The following SUCLG2 variants were observed in gnomAD, a reference collection of about 807,000 sequenced individuals.
SUCLG2 encodes succinate--CoA ligase [GDP-forming] subunit beta, mitochondrial.
Under a neutral mutation model 47.9 loss-of-function variants are expected in SUCLG2, and 42 were observed. That is an observed-to-expected ratio of 0.88 (90% CI 0.69 to 1.14). The LOEUF (loss-of-function observed/expected upper bound fraction) is 1.14. Among genes scored for constraint, SUCLG2 ranks in the 50% most tolerant of loss-of-function variants. SUCLG2 has a pLI of 0.00. For synonymous variants in SUCLG2, 195 were observed against 197.3 expected (o/e 0.99, Z 0.10); for missense variants, 571 against 525.9 (o/e 1.09, Z -0.84).
At chr3:67,602,591 A>G (rs1165374339) in intron 2 of SUCLG2, among the ~76,000 whole-genome samples, 3 of 152,300 alleles carry the variant, frequency 2.0e-5, no homozygotes, top group African/African-American at 7.2e-5. Context: ...TAAAAGGGGG[A>G]TCTCTTTGCA....
At chr3:67,598,090 C>T (rs570776668) in intron 2 of SUCLG2, among the ~76,000 whole-genome samples, 2 of 152,100 alleles carry the variant, frequency 1.3e-5, no homozygotes, top group East Asian at 3.9e-4. Context: ...CAGCAATTTT[C>T]CTGCCTCAGC....
chr3:67,543,917 G>A (rs778013735), intron 2 of SUCLG2, among the ~76,000 whole-genome samples: 2 of 152,078 alleles, frequency 1.3e-5, no homozygotes, highest in South Asian at 2.1e-4. Context: ...ACATGGGGTC[G>A]GGGTGTTTAT....
At chr3:67,567,623 A>G (rs556256613) in intron 2 of SUCLG2, among the ~76,000 whole-genome samples, 94 of 152,310 alleles carry the variant, frequency 6.2e-4, no homozygotes, top group Non-Finnish European at 1.1e-3. Flanking sequence ...GGTAATCTGA[A>G]AACTTTTTTG....
chr3:67,645,395 A>G (rs2107377060), intron 1 of SUCLG2, among the ~76,000 whole-genome samples: 1 of 152,256 alleles, frequency 6.6e-6, no homozygotes, highest in South Asian at 2.1e-4. Context: ...GCTTAGGACA[A>G]GTCACAAGCC....
At chr3:67,427,766 A>T (rs1409341345) in intron 9 of SUCLG2, among the ~76,000 whole-genome samples, 1 of 152,164 alleles carries the variant, frequency 6.6e-6, no homozygotes, top group Non-Finnish European at 1.5e-5. Context: ...CTTCCACCCA[A>T]ATAATGCGCT....
rs192811331 is a variant in SUCLG2, at chr3:67,360,707, A to T, written c.1245T>A (p.Asn415Lys). Residue 415 changes from asparagine (N) to lysine (K), a missense_variant, in exon 11 of 11, where the codon AAT (asparagine) becomes AAA (lysine). Coordinates refer to the SUCLG2 transcript ENST00000493112. ...TCTCTTGGATACCAGTTATATTCTC[A>T]TTTGAATTTCCTGTTTCTTGTTTTA... The T allele has an allele frequency of 2.1e-3, 3,180 of 1,531,746 alleles. 6 individuals carry two copies. The highest frequency in any genetic ancestry group is 2.6e-3 in the Non-Finnish European group (2,940 of 1,144,194). 94.9% of individuals were successfully genotyped at this position (1,531,746 alleles called of 1,614,324 possible).
At position 67,534,768 on chromosome 3, in the gene SUCLG2, C is replaced by CAAAAA. The variant is rs60612549; in HGVS notation, c.227-5587_227-5583dup. On this transcript the variant is annotated intron_variant, in intron 2 of 10. Transcript: ENST00000307227. ...GGACAGAACTCCCTAACACTGATGG[C>CAAAAA]AAAAAAAAAAAAAAAAAAAAAAAAA... 3.5e-3 allele frequency among the ~76,000 whole-genome samples: 122 copies of CAAAAA among 34,952 alleles called. 22 individuals are homozygous for CAAAAA. Among genetic ancestry groups the CAAAAA allele is most frequent in the African/African-American group, 9.3e-3 (105 of 11,304 alleles). 22.9% of individuals were successfully genotyped at this position (34,952 alleles called of 152,430 possible).
chr3:67,495,740 C>T, intron 9 of SUCLG2, 58 bp downstream of exon 9: 1 of 1,599,916 alleles, frequency 6.3e-7, no homozygotes. Context: ...AACAAGTGAG[C>T]TCTTGACGGT....
At chr3:67,555,294 T>C (rs1707128783) in intron 2 of SUCLG2, among the ~76,000 whole-genome samples, 1 of 152,170 alleles carries the variant, frequency 6.6e-6, no homozygotes, top group African/African-American at 2.4e-5. Flanking sequence ...CAGATGCATG[T>C]TTATGTATGT....
At chr3:67,575,272 A>C (rs551923335) in intron 2 of SUCLG2, among the ~76,000 whole-genome samples, 2 of 152,370 alleles carry the variant, frequency 1.3e-5, no homozygotes, top group South Asian at 4.1e-4. Flanking sequence ...ATTATTAATA[A>C]TAGCCTCAAA....
At chr3:67,524,522 T>TGTCTCAC (rs1706203243) in intron 4 of SUCLG2, among the ~76,000 whole-genome samples, 1 of 152,210 alleles carries the variant, frequency 6.6e-6, no homozygotes, top group African/African-American at 2.4e-5. Context: ...GCCCTAGTAC[T>TGTCTCAC]AGCCCCAGGA....
intron 2 of SUCLG2, among the ~76,000 whole-genome samples, chr3:67,587,734 G>C (rs1056704766): frequency 1.3e-5 from 2 of 152,088 alleles, no homozygotes; most frequent in African/African-American, 2.4e-5. Context: ...GCCAAAACCA[G>C]AACGACTGTC....
chr3:67,477,918 A>G (rs1347809145), intron 9 of SUCLG2, among the ~76,000 whole-genome samples: 1 of 152,258 alleles, frequency 6.6e-6, no homozygotes, highest in Non-Finnish European at 1.5e-5. Context: ...TAGCACTTAC[A>G]CAGACACTGT....
intron 10 of SUCLG2, among the ~76,000 whole-genome samples, chr3:67,383,007 C>T (rs573553988): frequency 6.6e-6 from 1 of 152,310 alleles, no homozygotes; most frequent in South Asian, 2.1e-4. Flanking sequence ...CTTTTCATGT[C>T]TCTTTTGCCT....
At chr3:67,425,239 T>A (rs1229197456) in intron 9 of SUCLG2, among the ~76,000 whole-genome samples, 2 of 152,210 alleles carry the variant, frequency 1.3e-5, no homozygotes, top group Non-Finnish European at 2.9e-5. Flanking sequence ...GCATACAGAA[T>A]AAGATCTGGG....
intron 9 of SUCLG2, 118 bp downstream of exon 9, chr3:67,495,680 A>C: frequency 8.9e-7 from 1 of 1,129,430 alleles, no homozygotes; most frequent in Non-Finnish European, 1.2e-6. Flanking sequence ...TAGAAGTTGC[A>C]TCTGGGGCTG....
At chr3:67,413,465 G>A (rs1702971236) in intron 9 of SUCLG2, among the ~76,000 whole-genome samples, 2 of 152,178 alleles carry the variant, frequency 1.3e-5, no homozygotes, top group African/African-American at 4.8e-5. Flanking sequence ...ATGTAGGTCT[G>A]CAACCTTGAA....
chr3:67,613,778 C>G (rs149808601), intron 1 of SUCLG2, among the ~76,000 whole-genome samples: 1 of 152,314 alleles, frequency 6.6e-6, no homozygotes, highest in East Asian at 1.9e-4. Flanking sequence ...TCACAAGTTA[C>G]TCTGAAACAG....
chr3:67,586,540 T>C (rs1708024176), intron 2 of SUCLG2, among the ~76,000 whole-genome samples: 1 of 152,190 alleles, frequency 6.6e-6, no homozygotes, highest in Non-Finnish European at 1.5e-5. Flanking sequence ...CCTTCCCAAT[T>C]GGTCTGATGT....
Sources: allele counts gnomAD v4.1 joint callset (sites outside exome capture counted in the v4.1 genomes callset), GRCh38; gene constraint gnomAD v4.1.1; transcripts MANE v1.5; gene names NCBI Gene and HGNC (gene_info 2026-07-23, HGNC 2026-07-21).